ZNF416: variants seen among roughly 807,000 people sequenced by gnomAD.
The protein encoded by ZNF416 is zinc finger protein 416.
A neutral mutation model predicts 10.9 loss-of-function variants in ZNF416; 5 were observed. The ratio of observed to expected loss-of-function variants is 0.46; its 90% CI spans 0.24 to 0.97. The LOEUF (loss-of-function observed/expected upper bound fraction) is 0.97, where lower values mean the gene tolerates loss of function less well. Ranked by LOEUF, ZNF416 falls within the 50% of genes least tolerant of loss-of-function variation. The pLI is 0.19. For synonymous variants in ZNF416, 267 were observed against 251.8 expected, an observed-to-expected ratio of 1.06 and a Z score of -0.57; for missense variants, 675 against 715.0, an observed-to-expected ratio of 0.94 and a Z score of 0.64.
Position 57,572,261 on chromosome 19 carries a change from C to A in ZNF416, c.1643G>T (p.Arg548Met). Residue 548 changes from arginine to methionine, a missense_variant, in exon 4 of 4, where the codon AGG becomes ATG. Coordinates refer to ENST00000196489, the MANE Select transcript of ZNF416 (RefSeq NM_017879.3). The surrounding 1 kb of genome is among the most constrained non-coding windows in gnomAD (Gnocchi z 4.5). ...IQHQVVHTGE[R>M]PYECGKCGKS... ...CCCACATTTGCCACACTCATATGGC[C>A]TTTCTCCTGTGTGAACCACTTGGTG... The A allele has an allele frequency of 6.2e-7, 1 of 1,614,144 alleles. No homozygotes were observed. Among genetic ancestry groups the A allele is most frequent in the Non-Finnish European group, 8.5e-7 (1 of 1,180,032 alleles).
chr19:57,578,738 G>C lies in ZNF416; in HGVS notation c.-34C>G, dbSNP rs770654505. ...GAGCGGAGCGGGGCCGGGAGCGGCG[G>C]GCGACCCGGGGCGGGAACCCAGGCA... On this transcript the variant is annotated 5_prime_UTR_variant, in exon 1 of 4. Transcript: ENST00000196489. 3 of 1,444,684 alleles carry C rather than the reference G, an allele frequency of 2.1e-6. No homozygotes were observed. Among genetic ancestry groups the C allele is most frequent in the Non-Finnish European group, 2.7e-6 (3 of 1,093,536 alleles). The allele number at this position is 1,444,684 out of a possible 1,614,324, so 89.5% of individuals were successfully genotyped here.
chr19:57,576,876 C>T (rs1163132778), intron 2 of ZNF416, among the ~76,000 whole-genome samples: 1 of 152,144 alleles, frequency 6.6e-6, no homozygotes, highest in Non-Finnish European at 1.5e-5. Flanking sequence ...TACTTCCAAG[C>T]ATTGATCTCA....
At position 57,573,240 on chromosome 19, in the gene ZNF416, T is replaced by C. The variant is rs200348936; in HGVS notation, c.664A>G (p.Arg222Gly). The change falls in exon 4 of 4, where the codon AGA becomes GGA. Residue 222 changes from arginine (R) to glycine (G), a missense_variant. By Grantham distance (125) the Arg-to-Gly change is moderately radical. Transcript: ENST00000196489. ...AAAGTGTGTTTGTGGCTGGACTCTC[T>C]CCTGCATTGACTCCACTTGTAATGA... is the stretch of plus-strand genomic sequence containing the variant. ...ISHYKWSQCR[R>G]ESSHKHTFFH... is the part of the protein sequence containing the mutation. 3.7e-6 allele frequency: 6 copies of C among 1,614,264 alleles called. No individual in the cohort carries two copies. The highest frequency in any genetic ancestry group is 4.2e-6 in the Non-Finnish European group (5 of 1,180,040).
At chr19:57,578,169 T>C (rs1978615313) in intron 1 of ZNF416, 71 bp from the exon 2 acceptor site, 3 of 1,516,652 alleles carry the variant, frequency 2.0e-6, no homozygotes, top group Non-Finnish European at 2.7e-6. Context: ...GCCTCCTTGT[T>C]TCCCTGCGCA....
chr19:57,575,807 G>C lies in ZNF416; in HGVS notation c.199C>G (p.Leu67Val). The change falls in exon 3 of 4, where the codon CTG becomes GTG. Residue 67 changes from leucine (L) to valine (V), a missense_variant. Transcript: ENST00000196489. The surrounding 1 kb of genome is among the most constrained non-coding windows in gnomAD (Gnocchi z 4.4). ...AGAGTGGGTGTGAGGGCCTTACCCA[G>C]CGCAGTTATAAGTGCAAAGTTCTCC... ...MLENFALITA[L>V]VCWHGMEDEE... 1 of 1,614,066 alleles carries C rather than the reference G, an allele frequency of 6.2e-7. No homozygotes were observed. The highest frequency in any genetic ancestry group is 2.2e-5 in the East Asian group (1 of 44,878).
intron 3 of ZNF416, among the ~76,000 whole-genome samples, chr19:57,574,955 TG>T: frequency 6.6e-6 from 1 of 152,020 alleles, no homozygotes; most frequent in Non-Finnish European, 1.5e-5. Context: ...GAAAACATGC[TG>T]GGGGGCAGTG....
chr19:57,576,398 A>G (rs1186513457), intron 2 of ZNF416, among the ~76,000 whole-genome samples: 2 of 152,026 alleles, frequency 1.3e-5, no homozygotes, highest in Non-Finnish European at 2.9e-5. Flanking sequence ...CCCACACCAT[A>G]GGCATCTCTC....
At chr19:57,576,780 C>G (rs1386563381) in intron 2 of ZNF416, among the ~76,000 whole-genome samples, 1 of 152,066 alleles carries the variant, frequency 6.6e-6, no homozygotes, top group Non-Finnish European at 1.5e-5. Context: ...TTCCTGACAC[C>G]TCAAGGGTTG....
rs774364011 is a variant in ZNF416, at chr19:57,573,194, G to T, written c.710C>A (p.Thr237Asn). The T allele has an allele frequency of 1.2e-6, 2 of 1,614,174 alleles. No individual in the cohort carries two copies. The highest frequency in any genetic ancestry group is 2.2e-5 in the South Asian group (2 of 91,090). ...GCTAGATTCATAAAGCCTTTTTCCAGTGCAGACTCTAGGGTGAAAAAAAGT... is the reference window on the plus strand; with the variant it reads ...GCTAGATTCATAAAGCCTTTTTCCATTGCAGACTCTAGGGTGAAAAAAAGT... ...KHTFFHPRVC[T>N]GKRLYESSKC... The change falls in exon 4 of 4, where the codon ACT (threonine) becomes AAT (asparagine). Residue 237 changes from threonine to asparagine, a missense_variant. By Grantham distance (65) the Thr-to-Asn change is moderately conservative (BLOSUM62 0). Coordinates refer to ENST00000196489, the MANE Select transcript of ZNF416 (RefSeq NM_017879.3).
intron 3 of ZNF416, among the ~76,000 whole-genome samples, chr19:57,574,720 A>C (rs1023162445): frequency 1.3e-5 from 2 of 152,216 alleles, no homozygotes. Context: ...AATGGGGTAC[A>C]GTACACAAGG....
rs1599906739 is a variant in ZNF416, at chr19:57,571,919, A to G, written c.*200T>C. Reference sequence around the variant, plus strand: ...CTCTGGCAAAGGCCTCCAGCAGTTTAGAACATGCAAAGGAGCTCCTGCAAG... The same window carrying G: ...CTCTGGCAAAGGCCTCCAGCAGTTTGGAACATGCAAAGGAGCTCCTGCAAG... On this transcript the variant is annotated 3_prime_UTR_variant, in exon 4 of 4. Transcript: ENST00000196489. 2 of 622,462 alleles carry G rather than the reference A, an allele frequency of 3.2e-6. No individual in the cohort carries two copies. Among genetic ancestry groups the G allele is most frequent in the East Asian group, 5.5e-5 (2 of 36,664 alleles). 38.6% of individuals were successfully genotyped at this position (622,462 alleles called of 1,614,324 possible). A position where few individuals can be genotyped will look rare whatever the true frequency, so the allele number is the denominator to read the frequency against.
intron 1 of ZNF416, 180 bp downstream of exon 1, chr19:57,578,492 C>T: frequency 1.5e-6 from 1 of 645,858 alleles, no homozygotes; most frequent in Non-Finnish European, 2.4e-6. Flanking sequence ...CCGGCCCCTC[C>T]GCCTGCCACA....
chr19:57,578,616 G>A lies in ZNF416; in HGVS notation c.33+56C>T, dbSNP rs1724131316. On this transcript the variant is annotated intron_variant, in intron 1 of 3. Coordinates refer to ENST00000196489, the MANE Select transcript of ZNF416 (RefSeq NM_017879.3). Reference sequence around the variant, plus strand: ...GACGCAAGCAGGCGCCCCTCATGCAGGGTGTTGGATTTCCGGCGGAGAGGG... The same window carrying A: ...GACGCAAGCAGGCGCCCCTCATGCAAGGTGTTGGATTTCCGGCGGAGAGGG... The A allele has an allele frequency of 7.4e-6, 11 of 1,490,840 alleles. No homozygotes were observed. In the South Asian group the frequency reaches 1.1e-4, roughly 14 times the overall value. The allele number at this position is 1,490,840 out of a possible 1,614,324, so 92.4% of individuals were successfully genotyped here. A position where few individuals can be genotyped will look rare whatever the true frequency, so the allele number is the denominator to read the frequency against.
rs950994006 is a variant in ZNF416, at chr19:57,571,801, A to T, written c.*318T>A. The stretch of plus-strand genomic sequence containing the variant: ...AGAAAAGGGAAGGAATTCCCCTTAA[A>T]GGCTCAGACTGCTCAAGGAATTTCC... On this transcript the variant is annotated 3_prime_UTR_variant, in exon 4 of 4. Coordinates refer to ENST00000196489, the MANE Select transcript of ZNF416 (RefSeq NM_017879.3). 47 of 272,690 alleles carry T rather than the reference A, an allele frequency of 1.7e-4. No homozygotes were observed. The highest frequency in any genetic ancestry group is 9.4e-4 in the African/African-American group (44 of 46,636). 16.9% of individuals were successfully genotyped at this position (272,690 alleles called of 1,614,324 possible).
intron 1 of ZNF416, 166 bp downstream of exon 1, chr19:57,578,506 T>C: frequency 1.3e-6 from 1 of 755,538 alleles, no homozygotes. Flanking sequence ...TGCCACACCC[T>C]CCACAGCCCA....
Position 57,573,129 on chromosome 19 carries a change from G to A in ZNF416, c.775C>T (p.Gln259Ter), listed in dbSNP as rs144586938. The A allele has an allele frequency of 3.1e-6, 5 of 1,614,094 alleles. No homozygotes were observed. In the African/African-American group the frequency reaches 6.7e-5, roughly 22 times the overall value. Residue 259 changes from glutamine to a stop codon, truncating the protein, a stop_gained, in exon 4 of 4, where the codon CAG (glutamine) becomes TAG (stop). Coordinates refer to ENST00000196489, the MANE Select transcript of ZNF416 (RefSeq NM_017879.3). LOFTEE classifies it low-confidence loss of function (END_TRUNC). ...KACCCECSLV[Q>*]LQRVHPGERP... ...TCTCCAGGGTGGACTCTTTGCAGCTGAACAAGGGAGCACTCACAGCAGCAG... is the reference window on the plus strand; with the variant it reads ...TCTCCAGGGTGGACTCTTTGCAGCTAAACAAGGGAGCACTCACAGCAGCAG...
intron 3 of ZNF416, 46 bp from the exon 4 acceptor site, chr19:57,573,747 G>A (rs780744724): frequency 5.4e-5 from 84 of 1,568,536 alleles, no homozygotes; most frequent in Non-Finnish European, 6.9e-5. Flanking sequence ...ACTATGATGG[G>A]AGTGTATTAG....
At position 57,576,042 on chromosome 19, in the gene ZNF416, G is replaced by A. The variant is rs541198365; in HGVS notation, c.76-112C>T. ...ATCCCCATACCTAAGCCCCACCTCA[G>A]AGGAGATACCAAGACCTGGTGGCAC... On this transcript the variant is annotated intron_variant, in intron 2 of 3. Transcript: ENST00000196489. 2.1e-5 allele frequency: 29 copies of A among 1,387,610 alleles called. No homozygotes were observed. The African/African-American group carries it at 4.0e-4, about 19-fold the overall frequency. 86.0% of individuals were successfully genotyped at this position (1,387,610 alleles called of 1,614,324 possible).
chr19:57,577,976 A>C, intron 2 of ZNF416, 81 bp downstream of exon 2: 1 of 1,502,550 alleles, frequency 6.7e-7, no homozygotes, highest in South Asian at 1.1e-5. Context: ...AAAGAGTGCC[A>C]AGAGAAGAGT....
Sources: gnomAD v4.1 joint callset for allele counts (sites outside exome capture counted in the v4.1 genomes callset) on GRCh38, gnomAD v4.1.1 for gene constraint, Gnocchi (gnomAD v3.1) non-coding constraint, MANE v1.5 for transcripts, NCBI Gene and HGNC (gene_info 2026-07-23, HGNC 2026-07-21) for gene names.